Variants in STX17 observed in about 807,000 individuals in gnomAD.
STX17 encodes syntaxin-17.
STX17 carries 29 observed loss-of-function variants against 35.9 expected under a neutral mutation model. The ratio of observed to expected loss-of-function variants is 0.81; its 90% CI spans 0.60 to 1.10. STX17 has a LOEUF of 1.10. Among genes scored for constraint, STX17 ranks in the 50% least tolerant of loss-of-function variants. The probability of loss-of-function intolerance (pLI) is 0.00; values close to 1 mark genes in which losing one functional copy is unlikely to be tolerated. For missense variants in STX17, 312 were observed against 352.3 expected (o/e 0.89, Z 0.92); for synonymous variants, 92 against 118.3 (o/e 0.78, Z 1.44).
At chr9:99,954,168 A>G (rs1166155046) in intron 4 of STX17, 1 of 152,102 alleles carries the variant, frequency 6.6e-6, no homozygotes, top group Non-Finnish European at 1.5e-5. Context: ...GGGCTATTAA[A>G]GACCTAATTA....
chr9:99,968,047 C>T (rs1446799026), intron 7 of STX17, among the ~76,000 whole-genome samples: 1 of 152,150 alleles, frequency 6.6e-6, no homozygotes, highest in East Asian at 1.9e-4. Context: ...GGAGTGGGAC[C>T]ATCTATTTTC....
chr9:99,910,242 A>C (rs1395730750), intron 1 of STX17, among the ~76,000 whole-genome samples: 2 of 152,162 alleles, frequency 1.3e-5, no homozygotes, highest in Non-Finnish European at 2.9e-5. Flanking sequence ...CAAAACAAAA[A>C]AAAAGAAAAA....
At position 99,924,565 on chromosome 9, in the gene STX17, T is replaced by G. The variant is rs1828952519; in HGVS notation, c.124-4213T>G. 2.6e-5 allele frequency among the ~76,000 whole-genome samples: 4 copies of G among 152,326 alleles called. No homozygotes were observed. The South Asian group carries it at 8.3e-4, about 32-fold the overall frequency. The stretch of plus-strand genomic sequence containing the variant: ...TGAGTTGAGTTACTCTTACCTACCC[T>G]ATGGGGTAGATATTATTTATCTTCA... On this transcript the variant is annotated intron_variant, in intron 2 of 7. Transcript: ENST00000259400.
At chr9:99,934,441 T>C (rs773346838) in intron 3 of STX17, among the ~76,000 whole-genome samples, 1 of 152,216 alleles carries the variant, frequency 6.6e-6, no homozygotes, top group Non-Finnish European at 1.5e-5. Flanking sequence ...GCTTAGTTAA[T>C]ACTTGTTAAG....
chr9:99,923,690 C>T (rs1828933691), intron 2 of STX17, among the ~76,000 whole-genome samples: 1 of 152,164 alleles, frequency 6.6e-6, no homozygotes, highest in Admixed American at 6.5e-5. Context: ...AAGACCACAC[C>T]CTTCCCTCCC....
At chr9:99,947,466 CAT>C (rs936515249) in intron 3 of STX17, among the ~76,000 whole-genome samples, 2 of 152,152 alleles carry the variant, frequency 1.3e-5, no homozygotes, top group Admixed American at 1.3e-4. Flanking sequence ...CATATGTCCT[CAT>C]GTGCTTGGTA....
intron 1 of STX17, among the ~76,000 whole-genome samples, chr9:99,910,517 A>T (rs1351082013): frequency 6.6e-6 from 1 of 152,102 alleles, no homozygotes; most frequent in Non-Finnish European, 1.5e-5. Flanking sequence ...CTATTTCTAG[A>T]TATTTATTTT....
At chr9:99,936,423 T>C (rs1210612744) in intron 3 of STX17, among the ~76,000 whole-genome samples, 1 of 152,198 alleles carries the variant, frequency 6.6e-6, no homozygotes, top group Non-Finnish European at 1.5e-5. Flanking sequence ...TTAACCTTCA[T>C]TTGCTTAATG....
At position 99,969,754 on chromosome 9, in the gene STX17, C is replaced by A. The variant is rs1271261428; in HGVS notation, c.*1081C>A. On this transcript the variant is annotated 3_prime_UTR_variant, in exon 8 of 8. Transcript: ENST00000259400. ...GAGAACTCGCTTGCTACCTCACATC[C>A]TTTTCCCCAGACTTTTTATCTCCTA... 3 of 152,550 alleles carry A rather than the reference C, an allele frequency of 2.0e-5. No homozygotes were observed. The highest frequency in any genetic ancestry group is 6.6e-5 in the Admixed American group (1 of 15,250). The allele number at this position is 152,550 out of a possible 1,614,324, so 9.4% of individuals were successfully genotyped here.
chr9:99,951,127 T>C lies in STX17; in HGVS notation c.257T>C (p.Leu86Pro), dbSNP rs913058982. 6.2e-7 allele frequency: 1 copy of C among 1,612,896 alleles called. No individual in the cohort carries two copies. Among genetic ancestry groups the C allele is most frequent in the Non-Finnish European group, 8.5e-7 (1 of 1,179,172 alleles). ...AAAGTCCGAAAGGATGACCTAGTAC[T>C]TCTGAAGAGAATGATAGATCCTGTT... ...CLKVRKDDLVLLKRMIDPVKE... is the reference protein window; with the variant it reads ...CLKVRKDDLVPLKRMIDPVKE... The change falls in exon 4 of 8, where the codon CTT becomes CCT. Residue 86 changes from leucine (L) to proline (P), a missense_variant. Physicochemically the swap from Leu to Pro is moderately conservative, Grantham distance 98. Coordinates refer to ENST00000259400, the MANE Select transcript of STX17 (RefSeq NM_017919.3).
At position 99,910,361 on chromosome 9, in the gene STX17, A is replaced by G. The variant is rs112465360; in HGVS notation, c.-63+3655A>G. Among the ~76,000 whole-genome samples the G allele has an allele frequency of 7.2e-3, 1,095 of 152,346 alleles. 15 individuals are homozygous for G. Among genetic ancestry groups the G allele is most frequent in the African/African-American group, 0.025 (1,048 of 41,582 alleles). On this transcript the variant is annotated intron_variant, in intron 1 of 7. Transcript: ENST00000259400. Reference sequence around the variant, plus strand: ...TTTTTCACCAATGACATGTCTAAGAATGATAATACTAAGTATATTGCTTGG... The same window carrying G: ...TTTTTCACCAATGACATGTCTAAGAGTGATAATACTAAGTATATTGCTTGG...
At chr9:99,911,113 G>A (rs1364393203) in intron 1 of STX17, among the ~76,000 whole-genome samples, 3 of 151,272 alleles carry the variant, frequency 2.0e-5, no homozygotes, top group Non-Finnish European at 4.4e-5. Context: ...TGGGTTCACC[G>A]CAACCTCCGC....
At chr9:99,942,657 ATTG>A (rs1829389932) in intron 3 of STX17, among the ~76,000 whole-genome samples, 1 of 151,922 alleles carries the variant, frequency 6.6e-6, no homozygotes, top group Non-Finnish European at 1.5e-5. Context: ...TAAAAGTGTT[ATTG>A]TTTTGCCTTT....
At chr9:99,939,963 A>C (rs539936472) in intron 3 of STX17, among the ~76,000 whole-genome samples, 1 of 152,030 alleles carries the variant, frequency 6.6e-6, no homozygotes, top group African/African-American at 2.4e-5. Flanking sequence ...TGTTCTTAAC[A>C]TTTTTTCATC....
At position 99,970,178 on chromosome 9, in the gene STX17, T is replaced by C. The variant is rs1490363006; in HGVS notation, c.*1505T>C. The C allele has an allele frequency of 2.0e-5, 3 of 152,224 alleles. No homozygotes were observed. Among genetic ancestry groups the C allele is most frequent in the African/African-American group, 4.8e-5 (2 of 41,462 alleles). The allele number at this position is 152,224 out of a possible 1,614,324, so 9.4% of individuals were successfully genotyped here. ...GTTCATTAGGGGATTGGATGGTTTA[T>C]CACTTCTTTCTTTCTGAGTTTACTT... On this transcript the variant is annotated 3_prime_UTR_variant, in exon 8 of 8. Coordinates refer to ENST00000259400, the MANE Select transcript of STX17 (RefSeq NM_017919.3).
At chr9:99,941,545 C>T (rs1829362747) in intron 3 of STX17, among the ~76,000 whole-genome samples, 1 of 152,104 alleles carries the variant, frequency 6.6e-6, no homozygotes, top group African/African-American at 2.4e-5. Context: ...ATACTGTGAA[C>T]ACTCATGTAT....
chr9:99,917,167 A>G (rs963502556), intron 2 of STX17, among the ~76,000 whole-genome samples: 116 of 152,210 alleles, frequency 7.6e-4, no homozygotes, highest in African/African-American at 2.8e-3. Context: ...AGGTGATATC[A>G]TCTTAAGCCA....
intron 6 of STX17, among the ~76,000 whole-genome samples, chr9:99,961,893 T>A (rs1015136408): frequency 2.6e-5 from 4 of 152,142 alleles, no homozygotes; most frequent in African/African-American, 9.7e-5. Flanking sequence ...ACTATTGCAT[T>A]TGGAGGGTCT....
At chr9:99,918,823 C>T (rs1225696718) in intron 2 of STX17, among the ~76,000 whole-genome samples, 1 of 152,100 alleles carries the variant, frequency 6.6e-6, no homozygotes, top group Non-Finnish European at 1.5e-5. Context: ...AAAGAGCAGT[C>T]CTCCATCTCC....
Sources: gnomAD v4.1 joint callset for allele counts (sites outside exome capture counted in the v4.1 genomes callset) on GRCh38, gnomAD v4.1.1 for gene constraint, MANE v1.5 for transcripts, NCBI Gene and HGNC (gene_info 2026-07-23, HGNC 2026-07-21) for gene names.